The following RAP1GDS1 variants were observed in gnomAD, a reference collection of about 807,000 sequenced individuals.
RAP1GDS1 encodes RAP1, GTP-GDP dissociation stimulator 1.
A neutral mutation model predicts 71.1 loss-of-function variants in RAP1GDS1; 35 were observed. That is an observed-to-expected ratio of 0.49 (90% CI 0.38 to 0.65). RAP1GDS1 has a LOEUF of 0.65. RAP1GDS1 is among the 30% of genes least tolerant of loss of function. The probability of loss-of-function intolerance (pLI) is 0.00; values close to 1 mark genes in which losing one functional copy is unlikely to be tolerated. For synonymous variants in RAP1GDS1, 229 were observed against 243.1 expected (o/e 0.94, Z 0.54); for missense variants, 663 against 706.1 (o/e 0.94, Z 0.69).
In RAP1GDS1 at chr4:98,312,185, G is replaced by A. The variant is rs139304941; in HGVS notation, c.112+18670G>A. 1.6e-4 allele frequency among the ~76,000 whole-genome samples: 24 copies of A among 152,244 alleles called. No individual in the cohort carries two copies. In the East Asian group the frequency reaches 4.2e-3, roughly 27 times the overall value. ...GGCCAGGGGAAGCATTTTAATAATA[G>A]TATCATCTAATTTTGCAATTCATGA... On this transcript the variant is annotated intron_variant, in intron 2 of 14. Transcript: ENST00000408927.
At chr4:98,280,626 T>C (rs1578284289) in intron 1 of RAP1GDS1, among the ~76,000 whole-genome samples, 1 of 152,310 alleles carries the variant, frequency 6.6e-6, no homozygotes, top group East Asian at 1.9e-4. Flanking sequence ...AGATCCCATT[T>C]GTCAATTTTG....
At chr4:98,293,919 A>C (rs1727339884) in intron 2 of RAP1GDS1, among the ~76,000 whole-genome samples, 1 of 152,124 alleles carries the variant, frequency 6.6e-6, no homozygotes, top group Non-Finnish European at 1.5e-5. Flanking sequence ...AGCTTAAAAC[A>C]CTTAACATTT....
intron 3 of RAP1GDS1, among the ~76,000 whole-genome samples, chr4:98,349,556 G>T (rs1009539050): frequency 6.6e-6 from 1 of 152,146 alleles, no homozygotes; most frequent in African/African-American, 2.4e-5. Flanking sequence ...ATTACTTTGG[G>T]CAGTATGGCC....
At chr4:98,436,841 T>G in intron 13 of RAP1GDS1, 99 bp from the exon 14 acceptor site, 1 of 1,204,824 alleles carries the variant, frequency 8.3e-7, no homozygotes, top group South Asian at 2.3e-5. Flanking sequence ...TCAGTTCCAT[T>G]TAGAAGGTTT....
chr4:98,295,821 A>C (rs1393888191), intron 2 of RAP1GDS1, among the ~76,000 whole-genome samples: 1 of 151,986 alleles, frequency 6.6e-6, no homozygotes, highest in Non-Finnish European at 1.5e-5. Context: ...TTGAACTATA[A>C]AGTGATATAT....
In RAP1GDS1 at chr4:98,293,634, T is replaced by A. The variant is rs1727283531; in HGVS notation, c.112+119T>A. On this transcript the variant is annotated intron_variant, in intron 2 of 14. Coordinates refer to ENST00000408927, the MANE Select transcript of RAP1GDS1 (RefSeq NM_001100427.2). Reference sequence around the variant, plus strand: ...TTCATATAACTTGAATTCTTTTGAATCATATCCCTGAATACTGAGATTGTT... The same window carrying A: ...TTCATATAACTTGAATTCTTTTGAAACATATCCCTGAATACTGAGATTGTT... 3.0e-5 allele frequency: 22 copies of A among 735,202 alleles called. 1 individual carries two copies. The South Asian group carries it at 3.2e-4, about 11-fold the overall frequency. 45.5% of individuals were successfully genotyped at this position (735,202 alleles called of 1,614,324 possible). A position where few individuals can be genotyped will look rare whatever the true frequency, so the allele number is the denominator to read the frequency against.
At chr4:98,438,588 A>ATATATAT (rs1214035409) in intron 14 of RAP1GDS1, among the ~76,000 whole-genome samples, 1 of 86,942 alleles carries the variant, frequency 1.2e-5, no homozygotes. Context: ...ATATATATAT[A>ATATATAT]TCTTTTTTTT....
intron 4 of RAP1GDS1, among the ~76,000 whole-genome samples, chr4:98,368,388 A>G (rs1360555876): frequency 6.6e-6 from 1 of 152,204 alleles, no homozygotes; most frequent in Non-Finnish European, 1.5e-5. Context: ...ATCTTGGTTA[A>G]CTGAGATCCA....
intron 1 of RAP1GDS1, among the ~76,000 whole-genome samples, chr4:98,275,549 A>G (rs1468164876): frequency 6.6e-6 from 1 of 152,174 alleles, no homozygotes; most frequent in Non-Finnish European, 1.5e-5. Context: ...CCATTTATAG[A>G]AGTAAAAGCC....
intron 1 of RAP1GDS1, among the ~76,000 whole-genome samples, chr4:98,285,247 A>G (rs926904013): frequency 1.3e-5 from 2 of 152,210 alleles, no homozygotes; most frequent in Non-Finnish European, 2.9e-5. Context: ...TCAAATGAAG[A>G]TAGCCTAAAA....
intron 2 of RAP1GDS1, among the ~76,000 whole-genome samples, chr4:98,306,900 C>T (rs997788047): frequency 1.1e-4 from 16 of 152,042 alleles, no homozygotes; most frequent in Admixed American, 9.2e-4. Flanking sequence ...TGAATACCCA[C>T]TTGGCATTGT....
At chr4:98,430,827 G>A (rs1561009993) in intron 12 of RAP1GDS1, among the ~76,000 whole-genome samples, 3 of 152,308 alleles carry the variant, frequency 2.0e-5, no homozygotes, top group Non-Finnish European at 4.4e-5. Context: ...CTTAAACTTT[G>A]AAGATCATAC....
At chr4:98,268,557 G>A (rs1375527250) in intron 1 of RAP1GDS1, among the ~76,000 whole-genome samples, 2 of 151,762 alleles carry the variant, frequency 1.3e-5, no homozygotes, top group African/African-American at 2.4e-5. Flanking sequence ...TACATAGAAA[G>A]CCTTAAAGAC....
At chr4:98,433,120 G>A (rs1750675051) in intron 12 of RAP1GDS1, among the ~76,000 whole-genome samples, 1 of 152,104 alleles carries the variant, frequency 6.6e-6, no homozygotes, top group Non-Finnish European at 1.5e-5. Context: ...TAAGCACCAT[G>A]AGAAATGAGG....
chr4:98,317,445 G>T (rs1731101724), intron 2 of RAP1GDS1, among the ~76,000 whole-genome samples: 1 of 152,074 alleles, frequency 6.6e-6, no homozygotes, highest in African/African-American at 2.4e-5. Flanking sequence ...TCCAAATTCG[G>T]GGCTAAGGTC....
chr4:98,433,601 G>A (rs573965575), intron 12 of RAP1GDS1, among the ~76,000 whole-genome samples: 3 of 152,102 alleles, frequency 2.0e-5, no homozygotes, highest in African/African-American at 7.2e-5. Context: ...TAAATTCCAA[G>A]TTTTATTCTT....
chr4:98,349,935 T>C (rs1355719546), intron 3 of RAP1GDS1, among the ~76,000 whole-genome samples: 1 of 152,232 alleles, frequency 6.6e-6, no homozygotes, highest in Non-Finnish European at 1.5e-5. Context: ...GTAAATTAGC[T>C]GAAAAGCAAA....
intron 12 of RAP1GDS1, among the ~76,000 whole-genome samples, chr4:98,428,381 TG>T (rs796104943): frequency 2.0e-4 from 31 of 152,196 alleles, no homozygotes; most frequent in African/African-American, 7.2e-4. Flanking sequence ...AGCTTTTGCA[TG>T]GCAAAAGGAA....
At position 98,443,346 on chromosome 4, in the gene RAP1GDS1, C is replaced by G. The variant is rs1752109569; in HGVS notation, c.*1229C>G. 1 of 231,490 alleles carries G rather than the reference C, an allele frequency of 4.3e-6. No individual in the cohort carries two copies. Among genetic ancestry groups the G allele is most frequent in the South Asian group, 1.8e-4 (1 of 5,514 alleles). The allele number at this position is 231,490 out of a possible 1,614,324, so 14.3% of individuals were successfully genotyped here. On this transcript the variant is annotated 3_prime_UTR_variant, in exon 15 of 15. Coordinates refer to ENST00000408927, the MANE Select transcript of RAP1GDS1 (RefSeq NM_001100427.2). ...CCCCCTTGGCGAAATATAGTGTACT[C>G]TTCACTGCCACTGCCACCACCAAAT...
Sources: gnomAD v4.1 joint callset for allele counts (sites outside exome capture counted in the v4.1 genomes callset) on GRCh38, gnomAD v4.1.1 for gene constraint, MANE v1.5 for transcripts, NCBI Gene and HGNC (gene_info 2026-07-23, HGNC 2026-07-21) for gene names.